The following MTHFD2 variants were observed in gnomAD, a reference collection of about 807,000 sequenced individuals.
MTHFD2 encodes the protein methylenetetrahydrofolate dehydrogenase (NADP+ dependent) 2, methenyltetrahydrofolate cyclohydrolase, also known as bifunctional methylenetetrahydrofolate dehydrogenase/cyclohydrolase, mitochondrial.
A neutral mutation model predicts 36.8 loss-of-function variants in MTHFD2; 26 were observed. The ratio of observed to expected loss-of-function variants is 0.71; its 90% confidence interval spans 0.52 to 0.98. The LOEUF (loss-of-function observed/expected upper bound fraction) is 0.98. Among genes scored for constraint, MTHFD2 ranks in the 50% least tolerant of loss-of-function variants. MTHFD2 has a pLI of 0.00. For missense variants in MTHFD2, 373 were observed against 434.0 expected, an observed-to-expected ratio of 0.86 and a Z score of 1.25; for synonymous variants, 164 against 155.2, an observed-to-expected ratio of 1.06 and a Z score of -0.42.
rs1304282963 is a variant in MTHFD2 at position 74,205,705 on chromosome 2, A to G, written c.102A>G (p.Arg34=). The change falls in exon 2 of 8, where the codon CGA becomes CGG. Residue 34 remains arginine, a splice_region_variant and synonymous_variant. Coordinates refer to ENST00000394053, the MANE Select transcript of MTHFD2 (RefSeq NM_006636.4). ...TTTGTGACTCTGTTGCCTTCTGCAG[A>G]AATGAAGCTGTTGTCATTTCTGGAA... ...RLRPFHLAAV[R]NEAVVISGRK... is the part of the protein sequence containing the mutation. The G allele has an allele frequency of 6.2e-7, 1 of 1,613,572 alleles. No individual in the cohort carries two copies.
At chr2:74,211,132 C>A in intron 5 of MTHFD2, 67 bp from the exon 6 acceptor site, 2 of 995,948 alleles carry the variant, frequency 2.0e-6, no homozygotes, top group Non-Finnish European at 3.2e-6. Context: ...AATGACTTGA[C>A]TAGTTGAGAC....
intron 7 of MTHFD2, 49 bp from the exon 8 acceptor site, chr2:74,214,030 A>G (rs553845014): frequency 1.9e-6 from 3 of 1,572,900 alleles, no homozygotes; most frequent in South Asian, 1.1e-5. Flanking sequence ...AAGTACACAC[A>G]TGTCCTTTGC....
At chr2:74,201,557 G>T (rs1269849342) in intron 1 of MTHFD2, among the ~76,000 whole-genome samples, 5 of 151,686 alleles carry the variant, frequency 3.3e-5, no homozygotes, top group Non-Finnish European at 7.4e-5. Context: ...TAGAGATGGG[G>T]TCTCACCATG....
intron 5 of MTHFD2, among the ~76,000 whole-genome samples, chr2:74,210,472 C>G (rs909890679): frequency 1.3e-5 from 2 of 152,152 alleles, no homozygotes; most frequent in Non-Finnish European, 2.9e-5. Context: ...AAGGTAAAGC[C>G]TCGTCAATCA....
intron 3 of MTHFD2, 22 bp downstream of exon 3, chr2:74,207,848 A>G: frequency 6.4e-7 from 1 of 1,570,946 alleles, no homozygotes. Context: ...ACTCCATTTA[A>G]CATGATTGCT....
intron 1 of MTHFD2, among the ~76,000 whole-genome samples, chr2:74,202,674 G>A (rs915195643): frequency 2.0e-5 from 3 of 151,894 alleles, no homozygotes; most frequent in African/African-American, 4.8e-5. Context: ...CTACAGGTGC[G>A]TGCCACCATG....
At position 74,214,481 on chromosome 2, in the gene MTHFD2, G is replaced by C. The variant is rs1694386269; in HGVS notation, c.*239G>C. 3.4e-6 allele frequency: 1 copy of C among 292,992 alleles called. No individual in the cohort carries two copies. The highest frequency in any genetic ancestry group is 6.5e-6 in the Non-Finnish European group (1 of 154,936). The allele number at this position is 292,992 out of a possible 1,614,324, so 18.1% of individuals were successfully genotyped here. A position where few individuals can be genotyped will look rare whatever the true frequency, so the allele number is the denominator to read the frequency against. Reference sequence around the variant, plus strand: ...AGCCAGGAGCAGCCATTAACCTAGTGATTAATATGGGAGACATTACCATAT... The same window carrying C: ...AGCCAGGAGCAGCCATTAACCTAGTCATTAATATGGGAGACATTACCATAT... On this transcript the variant is annotated 3_prime_UTR_variant, in exon 8 of 8. Coordinates refer to ENST00000394053, the MANE Select transcript of MTHFD2 (RefSeq NM_006636.4).
At chr2:74,206,844 G>A (rs1694193520) in intron 2 of MTHFD2, among the ~76,000 whole-genome samples, 1 of 152,162 alleles carries the variant, frequency 6.6e-6, no homozygotes, top group Non-Finnish European at 1.5e-5. Flanking sequence ...GAGTAGCTGG[G>A]ATTATAGGCA....
intron 7 of MTHFD2, among the ~76,000 whole-genome samples, chr2:74,212,263 C>CT (rs398042480): frequency 0.16 from 5,799 of 35,738 alleles, 1,060 homozygotes; most frequent in East Asian, 0.4. Flanking sequence ...GTTTCTTTCT[C>CT]TTTTTTTTTT....
intron 1 of MTHFD2, among the ~76,000 whole-genome samples, chr2:74,199,389 C>T (rs1480987767): frequency 2.0e-5 from 3 of 152,156 alleles, no homozygotes; most frequent in Non-Finnish European, 2.9e-5. Context: ...ATAGAGGTGG[C>T]AAACATCCGG....
rs756840748 is a variant in MTHFD2 at position 74,214,106 on chromosome 2, C to G, written c.917C>G (p.Thr306Ser). The change falls in exon 8 of 8, where the codon ACT (threonine) becomes AGT (serine). Residue 306 changes from threonine (T) to serine (S), a missense_variant. Thr to Ser is a moderately conservative substitution (Grantham distance 58, BLOSUM62 1). Coordinates refer to ENST00000394053, the MANE Select transcript of MTHFD2 (RefSeq NM_006636.4). ...EGVRQKAGYI[T>S]PVPGGVGPMT... ...GTCAGACAAAAAGCTGGGTATATCACTCCAGTTCCTGGAGGTGTTGGCCCC... is the reference window on the plus strand; with the variant it reads ...GTCAGACAAAAAGCTGGGTATATCAGTCCAGTTCCTGGAGGTGTTGGCCCC... 2.5e-5 allele frequency: 40 copies of G among 1,613,974 alleles called. No homozygotes were observed. In the Admixed American group the frequency reaches 6.7e-4, roughly 27 times the overall value.
At position 74,215,460 on chromosome 2, in the gene MTHFD2, A is replaced by G. The variant is rs547962323; in HGVS notation, c.*1218A>G. 2.7e-5 allele frequency: 3 copies of G among 110,442 alleles called. No individual in the cohort carries two copies. Among genetic ancestry groups the G allele is most frequent in the East Asian group, 2.5e-4 (1 of 4,070 alleles). The allele number at this position is 110,442 out of a possible 1,614,324, so 6.8% of individuals were successfully genotyped here. ...TTTTTTGTAGAGATGGGGTCTTGCT[A>G]TGTTGCCTGGGCTGGTATTGAACTC... On this transcript the variant is annotated 3_prime_UTR_variant, in exon 8 of 8. Coordinates refer to ENST00000394053, the MANE Select transcript of MTHFD2 (RefSeq NM_006636.4).
intron 5 of MTHFD2, among the ~76,000 whole-genome samples, chr2:74,210,475 G>A (rs189174996): frequency 2.0e-5 from 3 of 152,126 alleles, no homozygotes; most frequent in South Asian, 2.1e-4. Flanking sequence ...GTAAAGCCTC[G>A]TCAATCAGTT....
rs562946725 is a variant in MTHFD2, at chr2:74,211,729, C to G, written c.764-12C>G. The G allele has an allele frequency of 3.4e-5, 54 of 1,601,216 alleles. No individual in the cohort carries two copies. In the African/African-American group the frequency reaches 6.7e-4, roughly 20 times the overall value. ...TCAGTACTAAGTTGATCTTTCCTTTCTCCATTTCCAGGTATTCCAAATCTG... is the reference window on the plus strand; with the variant it reads ...TCAGTACTAAGTTGATCTTTCCTTTGTCCATTTCCAGGTATTCCAAATCTG... On this transcript the variant is annotated splice_polypyrimidine_tract_variant and intron_variant, in intron 6 of 7. Coordinates refer to ENST00000394053, the MANE Select transcript of MTHFD2 (RefSeq NM_006636.4).
intron 1 of MTHFD2, 51 bp downstream of exon 1, chr2:74,198,793 G>GGCGAGGGGCACGCCGGGCCC (rs1281231091): frequency 6.7e-7 from 1 of 1,494,196 alleles, no homozygotes; most frequent in African/African-American, 1.4e-5. Flanking sequence ...GGGAACGGAG[G>GGCGAGGGGCACGCCGGGCCC]GCGAGGGGCA....
chr2:74,201,111 C>A (rs566312042), intron 1 of MTHFD2, among the ~76,000 whole-genome samples: 2 of 152,096 alleles, frequency 1.3e-5, no homozygotes, highest in Non-Finnish European at 2.9e-5. Context: ...CCTCAGCCTC[C>A]CAAACAGCTG....
At chr2:74,204,568 T>C (rs1216064127) in intron 1 of MTHFD2, among the ~76,000 whole-genome samples, 1 of 152,228 alleles carries the variant, frequency 6.6e-6, no homozygotes, top group African/African-American at 2.4e-5. Context: ...CTCTCACTGC[T>C]CTGTTGAGCT....
chr2:74,205,950 A>C lies in MTHFD2; in HGVS notation c.286+61A>C, dbSNP rs192259280. 2.9e-5 allele frequency: 44 copies of C among 1,509,322 alleles called. 1 individual carries two copies. The South Asian group carries it at 5.0e-4, about 17-fold the overall frequency. The allele number at this position is 1,509,322 out of a possible 1,614,324, so 93.5% of individuals were successfully genotyped here. ...TTGAGGTTTATATGAGGCAAAGTCC[A>C]TTCTAATTTATGATTTCTTTTTTCT... is the stretch of plus-strand genomic sequence containing the variant. On this transcript the variant is annotated intron_variant, in intron 2 of 7. Transcript: ENST00000394053.
intron 3 of MTHFD2, 61 bp downstream of exon 3, chr2:74,207,887 C>A: frequency 1.3e-6 from 2 of 1,496,274 alleles, no homozygotes; most frequent in Non-Finnish European, 1.8e-6. Flanking sequence ...CCTCTCCCTC[C>A]CTCTCTCTCT....
Sources: gnomAD v4.1 joint callset for allele counts (sites outside exome capture counted in the v4.1 genomes callset) on GRCh38, gnomAD v4.1.1 for gene constraint, MANE v1.5 for transcripts, NCBI Gene and HGNC (gene_info 2026-07-23, HGNC 2026-07-21) for gene names.